Variants in GRIN2A observed in about 807,000 individuals in gnomAD.
GRIN2A encodes the protein glutamate receptor ionotropic, NMDA 2A.
A neutral mutation model predicts 113.4 loss-of-function variants in GRIN2A; 22 were observed. The ratio of observed to expected loss-of-function variants is 0.19; its 90% CI spans 0.14 to 0.28. GRIN2A has a LOEUF of 0.28. Ranked by LOEUF, GRIN2A falls within the 10% of genes least tolerant of loss-of-function variation. The pLI is 1.00. For synonymous variants in GRIN2A, 827 were observed against 738.4 expected, an observed-to-expected ratio of 1.12 and a Z score of -1.94; for missense variants, 1,502 against 1,887.0, an observed-to-expected ratio of 0.80 and a Z score of 3.78.
intron 2 of GRIN2A, among the ~76,000 whole-genome samples, chr16:10,137,119 TG>T (rs375111186): frequency 3.9e-4 from 59 of 152,136 alleles, no homozygotes; most frequent in African/African-American, 1.3e-3. Flanking sequence ...CCCCTGCAGG[TG>T]GGCTAAACCT....
intron 2 of GRIN2A, among the ~76,000 whole-genome samples, chr16:10,094,852 T>C (rs2048255200): frequency 7.1e-6 from 1 of 141,488 alleles, no homozygotes; most frequent in Non-Finnish European, 1.5e-5. Flanking sequence ...CAAGAGCATC[T>C]TATTGTTCCA....
At chr16:9,918,938 CA>C (rs2044307500) in intron 3 of GRIN2A, among the ~76,000 whole-genome samples, 1 of 151,918 alleles carries the variant, frequency 6.6e-6, no homozygotes, top group Non-Finnish European at 1.5e-5. Context: ...TTTGGGAAGC[CA>C]AAACGGGCAG....
chr16:10,084,016 G>T (rs868084653), intron 2 of GRIN2A, among the ~76,000 whole-genome samples: 1 of 152,122 alleles, frequency 6.6e-6, no homozygotes, highest in Non-Finnish European at 1.5e-5. Flanking sequence ...AAGGAGGGTC[G>T]CCTGGACCCA....
intron 2 of GRIN2A, among the ~76,000 whole-genome samples, chr16:9,966,146 T>C (rs1439755817): frequency 6.6e-6 from 1 of 152,190 alleles, no homozygotes; most frequent in African/African-American, 2.4e-5. Context: ...AGTTCAAGGA[T>C]ACACATGCAG....
chr16:10,171,563 T>G (rs1485014900), intron 2 of GRIN2A: 2 of 152,180 alleles, frequency 1.3e-5, no homozygotes, highest in African/African-American at 4.8e-5. Flanking sequence ...ATTGTCTCAG[T>G]TAAGAAAATA....
intron 2 of GRIN2A, among the ~76,000 whole-genome samples, chr16:10,114,472 G>A (rs1338476689): frequency 1.3e-5 from 2 of 152,214 alleles, no homozygotes; most frequent in East Asian, 3.8e-4. Context: ...GCCCACAGAA[G>A]AATCATAACC....
chr16:10,090,277 T>C (rs1051059342), intron 2 of GRIN2A, among the ~76,000 whole-genome samples: 2 of 152,180 alleles, frequency 1.3e-5, no homozygotes, highest in African/African-American at 4.8e-5. Flanking sequence ...GGACTTACAT[T>C]ACCCTCATTT....
At chr16:10,028,103 G>A (rs987621110) in intron 2 of GRIN2A, among the ~76,000 whole-genome samples, 1 of 152,186 alleles carries the variant, frequency 6.6e-6, no homozygotes, top group African/African-American at 2.4e-5. Context: ...AGTGACACAT[G>A]TTCTACATAT....
intron 2 of GRIN2A, among the ~76,000 whole-genome samples, chr16:9,989,683 CA>C (rs2046062476): frequency 6.6e-6 from 1 of 151,514 alleles, no homozygotes; most frequent in South Asian, 2.1e-4. Flanking sequence ...GAACTTAAAT[CA>C]AGAAAAAAAA....
At chr16:10,119,786 C>T (rs72776031) in intron 2 of GRIN2A, among the ~76,000 whole-genome samples, 10,918 of 152,194 alleles carry the variant, frequency 0.072, 535 homozygotes, top group Non-Finnish European at 0.11. Context: ...TCCCTATGTC[C>T]CTGTGTTCGC....
At chr16:9,957,105 T>C (rs2045327395) in intron 2 of GRIN2A, among the ~76,000 whole-genome samples, 1 of 152,196 alleles carries the variant, frequency 6.6e-6, no homozygotes, top group Non-Finnish European at 1.5e-5. Context: ...CTTATTAGCA[T>C]ACCTCTGCCT....
At chr16:9,884,187 A>C (rs1335860589) in intron 4 of GRIN2A, among the ~76,000 whole-genome samples, 1 of 152,236 alleles carries the variant, frequency 6.6e-6, no homozygotes. Flanking sequence ...TAACTTAAAC[A>C]AATTTTTAAA....
chr16:10,033,337 C>T (rs1011194875), intron 2 of GRIN2A, among the ~76,000 whole-genome samples: 1 of 152,088 alleles, frequency 6.6e-6, no homozygotes, highest in African/African-American at 2.4e-5. Context: ...CTCAGGATAC[C>T]AAGGTAAACC....
intron 2 of GRIN2A, among the ~76,000 whole-genome samples, chr16:10,138,041 C>CT (rs1210767465): frequency 3.9e-5 from 6 of 152,242 alleles, no homozygotes; most frequent in Non-Finnish European, 7.3e-5. Context: ...CCATGAGACT[C>CT]TGACCATATG....
At chr16:9,980,180 C>T (rs926906805) in intron 2 of GRIN2A, among the ~76,000 whole-genome samples, 2 of 150,838 alleles carry the variant, frequency 1.3e-5, no homozygotes, top group Admixed American at 6.6e-5. Flanking sequence ...GGCTGAGGCA[C>T]GAGAATTGCT....
intron 11 of GRIN2A, among the ~76,000 whole-genome samples, chr16:9,783,533 T>C (rs1053856986): frequency 3.9e-5 from 6 of 152,258 alleles, no homozygotes; most frequent in Admixed American, 2.6e-4. Flanking sequence ...ATTCATAGCC[T>C]ACCCTCATAT....
chr16:9,942,123 G>A (rs867618872), intron 2 of GRIN2A, among the ~76,000 whole-genome samples: 1 of 152,252 alleles, frequency 6.6e-6, no homozygotes, highest in South Asian at 2.1e-4. Context: ...TTTTGCAAGA[G>A]GTAATCCACA....
intron 2 of GRIN2A, among the ~76,000 whole-genome samples, chr16:9,987,530 G>A (rs1292515360): frequency 6.6e-6 from 1 of 152,112 alleles, no homozygotes; most frequent in African/African-American, 2.4e-5. Flanking sequence ...AAACAAATAC[G>A]CCAAAACATA....
intron 2 of GRIN2A, among the ~76,000 whole-genome samples, chr16:10,104,855 G>A (rs1278874129): frequency 3.3e-5 from 5 of 152,148 alleles, no homozygotes; most frequent in Non-Finnish European, 7.3e-5. Context: ...TGTCCCTTGT[G>A]AGCGCAGAGT....
Sources: gnomAD v4.1 joint callset for allele counts (sites outside exome capture counted in the v4.1 genomes callset) on GRCh38, gnomAD v4.1.1 for gene constraint, MANE v1.5 for transcripts, NCBI Gene and HGNC (gene_info 2026-07-23, HGNC 2026-07-21) for gene names.